TBC1D9B: variants seen among roughly 807,000 people sequenced by gnomAD.
The protein encoded by TBC1D9B is TBC1 domain family member 9B.
A neutral mutation model predicts 121.1 loss-of-function variants in TBC1D9B; 87 were observed. The ratio of observed to expected loss-of-function variants is 0.72; its 90% CI spans 0.60 to 0.86. TBC1D9B has a LOEUF of 0.86. Ranked by LOEUF, TBC1D9B falls within the 40% of genes least tolerant of loss-of-function variation. TBC1D9B has a pLI of 0.00. For missense variants in TBC1D9B, 1,540 were observed against 1,628.6 expected (o/e 0.95, Z 0.94); for synonymous variants, 668 against 670.1 (o/e 1.00, Z 0.05).
rs765098338 is a variant in TBC1D9B at position 179,879,630 on chromosome 5, C to T, written c.1414G>A (p.Gly472Arg). The T allele has an allele frequency of 2.5e-6, 4 of 1,613,896 alleles. No homozygotes were observed. The highest frequency in any genetic ancestry group is 3.4e-6 in the Non-Finnish European group (4 of 1,179,898). ...GAGTGCCGGCGCTCAGGGCTCACCC[C>T]CTTGGCTCCAAGGTCCTCCATGGGC... ...NSPMEDLGAK[G>R]AKEKMKEESW... The change falls in exon 8 of 21, where the codon GGG becomes AGG. Residue 472 changes from glycine (G) to arginine (R), a missense_variant and splice_region_variant. Coordinates refer to ENST00000355235, the MANE Select transcript of TBC1D9B (RefSeq NM_015043.4).
rs922454143 is a variant in TBC1D9B, at chr5:179,906,889, A to G, written c.118+815T>C. ...GGCAACAGTCGGTGCCCCGAAGAGC[A>G]CAGGCACTGAGCCCGAGCCAGCCGG... On this transcript the variant is annotated intron_variant, in intron 1 of 20. Transcript: ENST00000355235. 2.0e-5 allele frequency among the ~76,000 whole-genome samples: 3 copies of G among 152,374 alleles called. No homozygotes were observed. In the East Asian group the frequency reaches 5.8e-4, roughly 29 times the overall value.
At chr5:179,869,934 C>T in intron 16 of TBC1D9B, 100 bp from the exon 17 acceptor site, 3 of 1,211,558 alleles carry the variant, frequency 2.5e-6, no homozygotes, top group South Asian at 1.6e-5. Context: ...TGCTGCCCAA[C>T]TCCCTCCTGG....
At position 179,907,634 on chromosome 5, in the gene TBC1D9B, C is replaced by G. The variant is rs1761362431; in HGVS notation, c.118+70G>C. 2.3e-6 allele frequency: 2 copies of G among 852,854 alleles called. No homozygotes were observed. Among genetic ancestry groups the G allele is most frequent in the Admixed American group, 6.4e-5 (1 of 15,616 alleles). 52.8% of individuals were successfully genotyped at this position (852,854 alleles called of 1,614,324 possible). A position where few individuals can be genotyped will look rare whatever the true frequency, so the allele number is the denominator to read the frequency against. On this transcript the variant is annotated intron_variant, in intron 1 of 20. Coordinates refer to ENST00000355235, the MANE Select transcript of TBC1D9B (RefSeq NM_015043.4). The surrounding 1 kb of genome is among the most constrained non-coding windows in gnomAD (Gnocchi z 5.3). The stretch of plus-strand genomic sequence containing the variant: ...CCGGGCCGGAACCGGACCCGCCCGC[C>G]GCCCGCCGCCAGCCCCGCCGCCAGC...
In TBC1D9B at chr5:179,904,758, G is replaced by A. The variant is rs1761265947; in HGVS notation, c.173C>T (p.Pro58Leu). 6.3e-7 allele frequency: 1 copy of A among 1,579,498 alleles called. No homozygotes were observed. Among genetic ancestry groups the A allele is most frequent in the Non-Finnish European group, 8.6e-7 (1 of 1,162,888 alleles). Residue 58 changes from proline to leucine, a missense_variant, in exon 2 of 21, where the codon CCT becomes CTT. By Grantham distance (98) the Pro-to-Leu change is moderately conservative. Transcript: ENST00000355235. The surrounding 1 kb of genome is among the most constrained non-coding windows in gnomAD (Gnocchi z 4.2). ...VVLDSSARVA[P>L]YRILHQTQDS... ...CTGGGTCTGGTGCAGGATGCGGTAAGGGGCCACGCGGGCACTGGAGTCCAG... is the reference window on the plus strand; with the variant it reads ...CTGGGTCTGGTGCAGGATGCGGTAAAGGGCCACGCGGGCACTGGAGTCCAG...
chr5:179,874,775 A>G lies in TBC1D9B; in HGVS notation c.2186+127T>C, dbSNP rs1760311219. 7.2e-7 allele frequency: 1 copy of G among 1,379,344 alleles called. No homozygotes were observed. Among genetic ancestry groups the G allele is most frequent in the Non-Finnish European group, 9.7e-7 (1 of 1,030,172 alleles). The allele number at this position is 1,379,344 out of a possible 1,614,324, so 85.4% of individuals were successfully genotyped here. A position where few individuals can be genotyped will look rare whatever the true frequency, so the allele number is the denominator to read the frequency against. Reference sequence around the variant, plus strand: ...AGGAGCCGCCTCCTGACCCCAGAGCACCCCCGGGTCCAGCTGCAGCCTGGC... The same window carrying G: ...AGGAGCCGCCTCCTGACCCCAGAGCGCCCCCGGGTCCAGCTGCAGCCTGGC... On this transcript the variant is annotated intron_variant, in intron 12 of 20. Coordinates refer to ENST00000355235, the MANE Select transcript of TBC1D9B (RefSeq NM_015043.4). The surrounding 1 kb of genome is among the most constrained non-coding windows in gnomAD (Gnocchi z 4.3).
chr5:179,868,320 T>A (rs754414470), intron 17 of TBC1D9B: 1 of 152,678 alleles, frequency 6.5e-6, no homozygotes, highest in African/African-American at 2.4e-5. Context: ...TAGCTGGGAC[T>A]ACAAGCACAC....
intron 7 of TBC1D9B, among the ~76,000 whole-genome samples, chr5:179,881,143 G>A (rs1760531664): frequency 6.6e-6 from 1 of 152,224 alleles, no homozygotes; most frequent in South Asian, 2.1e-4. Flanking sequence ...CAAGCTCAGG[G>A]ACCAGGCGGC....
chr5:179,896,575 T>A (rs1363836702), intron 3 of TBC1D9B, among the ~76,000 whole-genome samples: 7 of 152,068 alleles, frequency 4.6e-5, no homozygotes, highest in Admixed American at 4.6e-4. Flanking sequence ...CAGGCTGGAA[T>A]GCTGTGGCGC....
chr5:179,871,686 G>C (rs1001008921), intron 14 of TBC1D9B, 156 bp from the exon 15 acceptor site: 30 of 688,740 alleles, frequency 4.4e-5, no homozygotes, highest in Non-Finnish European at 6.9e-5. Context: ...GGGAGAGAGC[G>C]AGGCCCACAG....
At chr5:179,870,025 G>T (rs1275310167) in intron 16 of TBC1D9B, among the ~76,000 whole-genome samples, 191 bp from the exon 17 acceptor site, 2 of 152,188 alleles carry the variant, frequency 1.3e-5, no homozygotes, top group African/African-American at 2.4e-5. Flanking sequence ...GGGGCTGGCA[G>T]ACCAGCTTCT....
intron 10 of TBC1D9B, among the ~76,000 whole-genome samples, chr5:179,877,291 A>C (rs967002914): frequency 1.3e-5 from 2 of 151,926 alleles, no homozygotes; most frequent in African/African-American, 4.8e-5. Context: ...CCCTGGTCCA[A>C]GGAGCTTGAG....
chr5:179,895,196 T>G (rs1285715789), intron 3 of TBC1D9B, among the ~76,000 whole-genome samples: 3 of 152,202 alleles, frequency 2.0e-5, no homozygotes, highest in African/African-American at 4.8e-5. Flanking sequence ...GTTATTTTCA[T>G]GTAAAATTGT....
Position 179,904,676 on chromosome 5 carries a change from C to T in TBC1D9B, c.229+26G>A, listed in dbSNP as rs1045412465. 28 of 1,544,458 alleles carry T rather than the reference C, an allele frequency of 1.8e-5. No homozygotes were observed. The highest frequency in any genetic ancestry group is 2.5e-5 in the Non-Finnish European group (28 of 1,141,676). ...CCCTTCCAGGGCAGGCCCTGCCCAG[C>T]ACCCCTCACCACTCAGGGCACCTAC... On this transcript the variant is annotated intron_variant, in intron 2 of 20. Transcript: ENST00000355235. This position sits in a 1 kb window ranked among gnomAD's most constrained non-coding sequence, Gnocchi z 4.2.
intron 3 of TBC1D9B, 145 bp downstream of exon 3, chr5:179,899,043 AC>A: frequency 1.5e-6 from 1 of 648,936 alleles, no homozygotes; most frequent in East Asian, 2.8e-5. Flanking sequence ...GCCCCTTTCA[AC>A]TCCAAGAGAA....
In TBC1D9B at chr5:179,894,475, C is replaced by G; in HGVS notation, c.488G>C (p.Ser163Thr). Reference sequence around the variant, plus strand: ...CCGGGGCACGCGGCCCTTCCAGTAGCTGCAGGAGTAGTAATTCACCAGCTT... The same window carrying G: ...CCGGGGCACGCGGCCCTTCCAGTAGGTGCAGGAGTAGTAATTCACCAGCTT... ...GEKLVNYYSC[S>T]YWKGRVPRQG... Residue 163 changes from serine (S) to threonine (T), a missense_variant, in exon 4 of 21, where the codon AGC becomes ACC. Transcript: ENST00000355235. 6.2e-7 allele frequency: 1 copy of G among 1,614,216 alleles called. No homozygotes were observed. The highest frequency in any genetic ancestry group is 8.5e-7 in the Non-Finnish European group (1 of 1,180,020).
At chr5:179,886,808 A>G (rs1226495089) in intron 7 of TBC1D9B, among the ~76,000 whole-genome samples, 2 of 152,214 alleles carry the variant, frequency 1.3e-5, no homozygotes, top group Non-Finnish European at 2.9e-5. Context: ...GTTTTTGCAA[A>G]TTCAGACTCA....
chr5:179,873,402 C>T (rs1760262003), intron 12 of TBC1D9B, among the ~76,000 whole-genome samples, 154 bp from the exon 13 acceptor site: 1 of 152,192 alleles, frequency 6.6e-6, no homozygotes, highest in African/African-American at 2.4e-5. Context: ...CAGAGGTGTG[C>T]CCTGGCAGCG....
intron 3 of TBC1D9B, among the ~76,000 whole-genome samples, chr5:179,897,160 G>A (rs1298435890): frequency 1.3e-5 from 2 of 152,068 alleles, no homozygotes; most frequent in African/African-American, 4.8e-5. Flanking sequence ...GCCCGCCTCG[G>A]CCTCCAAAAG....
intron 12 of TBC1D9B, among the ~76,000 whole-genome samples, chr5:179,873,906 C>T (rs948817871): frequency 1.3e-5 from 2 of 152,148 alleles, no homozygotes; most frequent in African/African-American, 2.4e-5. Flanking sequence ...TTGTAGGAAG[C>T]GGCAGGAAAA....
Sources: gnomAD v4.1 joint callset for allele counts (sites outside exome capture counted in the v4.1 genomes callset) on GRCh38, gnomAD v4.1.1 for gene constraint, Gnocchi (gnomAD v3.1) non-coding constraint, MANE v1.5 for transcripts, NCBI Gene and HGNC (gene_info 2026-07-23, HGNC 2026-07-21) for gene names.